BCKDHB: variants seen among roughly 807,000 people sequenced by gnomAD.
The protein encoded by BCKDHB is 2-oxoisovalerate dehydrogenase subunit beta, mitochondrial.
BCKDHB carries 41 observed loss-of-function variants against 48.5 expected under a neutral mutation model. The observed-to-expected ratio is 0.85, with a 90% CI of 0.66 to 1.10. The LOEUF is 1.10. Among genes scored for constraint, BCKDHB ranks in the 50% least tolerant of loss-of-function variants. The pLI, the probability that BCKDHB is intolerant of heterozygous loss-of-function variation, is 0.00. For synonymous variants in BCKDHB, 201 were observed against 174.8 expected, an observed-to-expected ratio of 1.15 and a Z score of -1.18; for missense variants, 496 against 494.2, an observed-to-expected ratio of 1.00 and a Z score of -0.03.
chr6:80,107,593 G>GTA (rs1769194510), intron 1 of BCKDHB, among the ~76,000 whole-genome samples: 1 of 134,276 alleles, frequency 7.4e-6, no homozygotes, highest in African/African-American at 3.5e-5. Context: ...ATGTCCCTTG[G>GTA]TTTCTTCTTA....
the BCKDHB span, among the ~76,000 whole-genome samples, chr6:80,397,484 A>G: frequency 6.6e-6 from 1 of 152,176 alleles, no homozygotes; most frequent in Non-Finnish European, 1.5e-5. Context: ...TATCTTTTCA[A>G]TCCACCATAA....
chr6:80,453,674 G>A, the BCKDHB span, among the ~76,000 whole-genome samples: 2 of 152,146 alleles, frequency 1.3e-5, no homozygotes, highest in Non-Finnish European at 2.9e-5. Flanking sequence ...GGTGAGGTTT[G>A]ATGGGGCATG....
chr6:80,418,610 T>G, the BCKDHB span, among the ~76,000 whole-genome samples: 1 of 152,234 alleles, frequency 6.6e-6, no homozygotes, highest in African/African-American at 2.4e-5. Context: ...TGTTCTTGTA[T>G]TGGGCCCTGC....
At chr6:80,146,737 C>T (rs1240893203) in intron 3 of BCKDHB, among the ~76,000 whole-genome samples, 1 of 152,110 alleles carries the variant, frequency 6.6e-6, no homozygotes, top group Non-Finnish European at 1.5e-5. Context: ...TGGAGTGGGG[C>T]TTTAGAATAG....
intron 9 of BCKDHB, among the ~76,000 whole-genome samples, chr6:80,277,946 A>G (rs1016857366): frequency 2.6e-5 from 4 of 152,156 alleles, no homozygotes; most frequent in African/African-American, 9.7e-5. Context: ...TTCATGTTAG[A>G]ATAGTTTATG....
chr6:80,115,287 A>G (rs1164546390), intron 1 of BCKDHB, among the ~76,000 whole-genome samples: 1 of 152,184 alleles, frequency 6.6e-6, no homozygotes, highest in Non-Finnish European at 1.5e-5. Context: ...AGTTGGGACT[A>G]TCGTCACGTA....
intron 1 of BCKDHB, among the ~76,000 whole-genome samples, chr6:80,121,957 T>C (rs7748996): frequency 0.046 from 6,987 of 152,280 alleles, 521 homozygotes; most frequent in African/African-American, 0.16. Flanking sequence ...CTTCCAGTTT[T>C]TGCCAATTTA....
chr6:80,260,848 T>C (rs1777269444), intron 8 of BCKDHB, among the ~76,000 whole-genome samples: 2 of 152,174 alleles, frequency 1.3e-5, no homozygotes, highest in African/African-American at 4.8e-5. Flanking sequence ...AAAGATAACA[T>C]AACAGAAAGT....
At chr6:80,230,111 T>A (rs1193996043) in intron 8 of BCKDHB, among the ~76,000 whole-genome samples, 5 of 123,486 alleles carry the variant, frequency 4.0e-5, no homozygotes, top group Non-Finnish European at 6.4e-5. Context: ...CTATCCCGGC[T>A]CACTGCAAGC....
At chr6:80,322,738 G>A (rs1171368469) in intron 9 of BCKDHB, among the ~76,000 whole-genome samples, 4 of 151,916 alleles carry the variant, frequency 2.6e-5, no homozygotes, top group African/African-American at 7.3e-5. Flanking sequence ...TTCCTCCATC[G>A]TCACCAATAA....
At chr6:80,433,273 C>A in the BCKDHB span, among the ~76,000 whole-genome samples, 1 of 152,164 alleles carries the variant, frequency 6.6e-6, no homozygotes, top group African/African-American at 2.4e-5. Context: ...GCCACCCCTT[C>A]CCCCAGGTGC....
chr6:80,464,371 C>T, the BCKDHB span, among the ~76,000 whole-genome samples: 219 of 152,206 alleles, frequency 1.4e-3, 1 homozygote, highest in African/African-American at 5.1e-3. Flanking sequence ...TCATGATCCA[C>T]CCACCTCGGC....
intron 8 of BCKDHB, among the ~76,000 whole-genome samples, chr6:80,257,370 ATG>A (rs1321853086): frequency 1.3e-5 from 2 of 149,836 alleles, no homozygotes; most frequent in Non-Finnish European, 3.0e-5. Flanking sequence ...TATATTGTGT[ATG>A]TGTATATATA....
chr6:80,379,215 A>G, the BCKDHB span, among the ~76,000 whole-genome samples: 2 of 152,028 alleles, frequency 1.3e-5, no homozygotes, highest in African/African-American at 4.8e-5. Context: ...ACTGAATCCA[A>G]CAGAACATAA....
chr6:80,318,942 C>T (rs927684246), intron 9 of BCKDHB, among the ~76,000 whole-genome samples: 2 of 152,072 alleles, frequency 1.3e-5, no homozygotes, highest in African/African-American at 2.4e-5. Flanking sequence ...GTTCTCAAGC[C>T]AATCCTTTAT....
chr6:80,286,357 C>A (rs989225225), intron 9 of BCKDHB, among the ~76,000 whole-genome samples: 3 of 152,118 alleles, frequency 2.0e-5, no homozygotes, highest in Non-Finnish European at 2.9e-5. Flanking sequence ...TTGCTAAGTA[C>A]TTAAACATTC....
intron 9 of BCKDHB, among the ~76,000 whole-genome samples, chr6:80,323,703 C>G (rs1768865165): frequency 6.6e-6 from 1 of 152,200 alleles, no homozygotes; most frequent in Non-Finnish European, 1.5e-5. Context: ...TCCTAGAGCT[C>G]TTTTCTTCAC....
At chr6:80,243,995 A>G (rs959308618) in intron 8 of BCKDHB, among the ~76,000 whole-genome samples, 1 of 152,252 alleles carries the variant, frequency 6.6e-6, no homozygotes, top group Admixed American at 6.5e-5. Flanking sequence ...TAAACTGAAA[A>G]TAAGAAGCCA....
chr6:80,142,557 T>C (rs1274870037), intron 3 of BCKDHB, among the ~76,000 whole-genome samples: 2 of 152,044 alleles, frequency 1.3e-5, no homozygotes, highest in South Asian at 2.1e-4. Flanking sequence ...TAAAAACATA[T>C]AAAAATAATA....
Sources: allele counts gnomAD v4.1 joint callset (sites outside exome capture counted in the v4.1 genomes callset), GRCh38; gene constraint gnomAD v4.1.1; transcripts MANE v1.5; gene names NCBI Gene and HGNC (gene_info 2026-07-23, HGNC 2026-07-21).